The following DPP10 variants were observed in gnomAD, a reference collection of about 807,000 sequenced individuals.
DPP10 encodes dipeptidyl peptidase like 10.
DPP10 carries 33 observed loss-of-function variants against 120.9 expected under a neutral mutation model. The ratio of observed to expected loss-of-function variants is 0.27; its 90% CI spans 0.21 to 0.37. DPP10 has a LOEUF of 0.37. DPP10 is among the 10% of genes least tolerant of loss of function. DPP10 has a pLI of 1.00. For missense variants in DPP10, 816 were observed against 942.8 expected (o/e 0.87, Z 1.76); for synonymous variants, 337 against 326.1 (o/e 1.03, Z -0.36).
chr2:114,506,607 CT>C (rs772227104), intron 1 of DPP10, among the ~76,000 whole-genome samples: 2 of 152,134 alleles, frequency 1.3e-5, no homozygotes, highest in African/African-American at 4.8e-5. Context: ...AGGCACCCCC[CT>C]AGATGCTGCT....
chr2:115,426,630 T>G (rs563585434), intron 3 of DPP10, among the ~76,000 whole-genome samples: 1 of 151,074 alleles, frequency 6.6e-6, no homozygotes, highest in Non-Finnish European at 1.5e-5. Flanking sequence ...TCTCACCAGG[T>G]GCCACCTCCG....
chr2:115,336,581 CTG>C (rs746328275), intron 2 of DPP10, among the ~76,000 whole-genome samples: 46,687 of 145,184 alleles, frequency 0.32, 9,009 homozygotes, highest in Non-Finnish European at 0.45. Context: ...CTCTCTCTCT[CTG>C]TCTCTCTCTC....
intron 1 of DPP10, among the ~76,000 whole-genome samples, chr2:115,170,040 G>A (rs1399849965): frequency 2.0e-5 from 3 of 152,154 alleles, no homozygotes; most frequent in African/African-American, 7.2e-5. Flanking sequence ...AGGCTGCCCT[G>A]TGATTTATTT....
chr2:115,704,811 A>C (rs2149545972), intron 7 of DPP10, among the ~76,000 whole-genome samples: 1 of 152,134 alleles, frequency 6.6e-6, no homozygotes, highest in Non-Finnish European at 1.5e-5. Flanking sequence ...GCTGAGATCT[A>C]AAATTTGATT....
At chr2:114,837,516 G>A (rs1309105333) in intron 1 of DPP10, among the ~76,000 whole-genome samples, 1 of 151,978 alleles carries the variant, frequency 6.6e-6, no homozygotes, top group Admixed American at 6.6e-5. Context: ...TTAATTATTT[G>A]GGTACTTAAA....
At position 115,168,595 on chromosome 2, in the gene DPP10, T is replaced by G. The variant is rs575134566; in HGVS notation, c.61-140644T>G. ...GCAATAACCAATCTCTGTTTATTTG[T>G]CCCTATCTAATAGCACCTGTTCTCT... On this transcript the variant is annotated intron_variant, in intron 1 of 25. Coordinates refer to ENST00000410059, the MANE Select transcript of DPP10 (RefSeq NM_020868.6). Among the ~76,000 whole-genome samples, 8 of 152,316 alleles carry G rather than the reference T, an allele frequency of 5.3e-5. No homozygotes were observed. The South Asian group carries it at 1.7e-3, about 32-fold the overall frequency.
chr2:114,712,668 A>G (rs1183570344), intron 1 of DPP10, among the ~76,000 whole-genome samples: 2 of 152,180 alleles, frequency 1.3e-5, no homozygotes, highest in Non-Finnish European at 1.5e-5. Context: ...AAAGCATTAC[A>G]TATTTATTAC....
chr2:115,621,191 A>G (rs1180373651), intron 5 of DPP10, among the ~76,000 whole-genome samples: 1 of 152,172 alleles, frequency 6.6e-6, no homozygotes, highest in Non-Finnish European at 1.5e-5. Flanking sequence ...ATAACAATTA[A>G]CTTTTAAATC....
rs969836830 is a variant in DPP10 at position 115,845,560 on chromosome 2, T to C, written c.*3215T>C. On this transcript the variant is annotated 3_prime_UTR_variant, in exon 26 of 26. Coordinates refer to ENST00000410059, the MANE Select transcript of DPP10 (RefSeq NM_020868.6). Reference sequence around the variant, plus strand: ...ATAGCTGCATACCCTTCTATTTTCCTCTTCCCCATTTCACTCTTTTAAGCT... The same window carrying C: ...ATAGCTGCATACCCTTCTATTTTCCCCTTCCCCATTTCACTCTTTTAAGCT... 2.9e-4 allele frequency: 44 copies of C among 152,334 alleles called. No homozygotes were observed. Among genetic ancestry groups the C allele is most frequent in the African/African-American group, 9.4e-4 (39 of 41,578 alleles). The allele number at this position is 152,334 out of a possible 1,614,324, so 9.4% of individuals were successfully genotyped here.
intron 7 of DPP10, among the ~76,000 whole-genome samples, chr2:115,703,857 T>C (rs1162561025): frequency 6.6e-6 from 1 of 151,988 alleles, no homozygotes; most frequent in African/African-American, 2.4e-5. Context: ...TAATAGCTAT[T>C]ATTTTGTTCC....
At chr2:114,967,570 A>G (rs139989630) in intron 1 of DPP10, among the ~76,000 whole-genome samples, 3 of 152,292 alleles carry the variant, frequency 2.0e-5, no homozygotes, top group African/African-American at 7.2e-5. Flanking sequence ...GGAAATTACT[A>G]TGAATGATCA....
chr2:114,675,336 A>G (rs1418221526), intron 1 of DPP10, among the ~76,000 whole-genome samples: 2 of 152,178 alleles, frequency 1.3e-5, no homozygotes, highest in Admixed American at 1.3e-4. Flanking sequence ...ATGGAAAGAA[A>G]TAGATGTCTT....
In DPP10 at chr2:115,737,368, G is replaced by C. The variant is rs374053435; in HGVS notation, c.698-2371G>C. ...GCCATCAGTTCATGATGGGCAGTTT[G>C]GGTTGCATACTCACTTGGTATCCCA... On this transcript the variant is annotated intron_variant, in intron 8 of 25. Coordinates refer to ENST00000410059, the MANE Select transcript of DPP10 (RefSeq NM_020868.6). 5.3e-5 allele frequency among the ~76,000 whole-genome samples: 8 copies of C among 152,214 alleles called. No individual in the cohort carries two copies. The South Asian group carries it at 1.7e-3, about 32-fold the overall frequency.
Position 115,843,487 on chromosome 2 carries a change from C to T in DPP10, c.*1142C>T, listed in dbSNP as rs1321706755. The T allele has an allele frequency of 6.6e-6, 1 of 152,132 alleles. No homozygotes were observed. The highest frequency in any genetic ancestry group is 2.4e-5 in the African/African-American group (1 of 41,390). 9.4% of individuals were successfully genotyped at this position (152,132 alleles called of 1,614,324 possible). A position where few individuals can be genotyped will look rare whatever the true frequency, so the allele number is the denominator to read the frequency against. ...CATTTGCCAGTTTCTATTTAGTATT[C>T]CATGCCTGCCCAATTCATCTGTTAC... is the stretch of plus-strand genomic sequence containing the variant. On this transcript the variant is annotated 3_prime_UTR_variant, in exon 26 of 26. Coordinates refer to ENST00000410059, the MANE Select transcript of DPP10 (RefSeq NM_020868.6).
intron 1 of DPP10, among the ~76,000 whole-genome samples, chr2:114,823,422 G>A (rs976608287): frequency 2.1e-4 from 32 of 152,140 alleles, no homozygotes; most frequent in African/African-American, 7.2e-4. Flanking sequence ...ATGAGATCTG[G>A]GTGGAGGCAC....
chr2:115,357,177 T>A (rs139638932), intron 3 of DPP10, among the ~76,000 whole-genome samples: 1 of 152,206 alleles, frequency 6.6e-6, no homozygotes, highest in Admixed American at 6.5e-5. Flanking sequence ...GGATAATGGA[T>A]AGTGACCTAA....
chr2:115,799,199 G>A (rs1159645215), intron 19 of DPP10, among the ~76,000 whole-genome samples: 1 of 151,908 alleles, frequency 6.6e-6, no homozygotes, highest in Non-Finnish European at 1.5e-5. Flanking sequence ...CTATGACAGT[G>A]CATTATACTG....
intron 1 of DPP10, among the ~76,000 whole-genome samples, chr2:114,666,351 T>C (rs1257961372): frequency 2.6e-5 from 4 of 152,232 alleles, no homozygotes; most frequent in African/African-American, 4.8e-5. Flanking sequence ...TTTCTAACAC[T>C]GATATAATAT....
chr2:115,168,166 A>G (rs772261609), intron 1 of DPP10, among the ~76,000 whole-genome samples: 6 of 151,966 alleles, frequency 3.9e-5, no homozygotes, highest in East Asian at 3.9e-4. Flanking sequence ...CTTTTTCACA[A>G]ATTTTTTCTA....
Sources: allele counts gnomAD v4.1 joint callset (sites outside exome capture counted in the v4.1 genomes callset), GRCh38; gene constraint gnomAD v4.1.1; transcripts MANE v1.5; gene names NCBI Gene and HGNC (gene_info 2026-07-23, HGNC 2026-07-21).